Variants in RIT2 observed in about 807,000 individuals in gnomAD.
RIT2 encodes the protein Ras like without CAAX 2, also known as GTP-binding protein Rit2.
In RIT2, 24 loss-of-function variants were observed where a neutral mutation model predicts 23.7. The observed-to-expected ratio is 1.01, with a 90% CI of 0.73 to 1.43. RIT2 has a LOEUF of 1.43. Ranked by LOEUF, RIT2 falls within the 40% of genes most tolerant of loss-of-function variation. RIT2 has a pLI of 0.00. For missense variants in RIT2, 236 were observed against 266.9 expected (o/e 0.88, Z 0.81); for synonymous variants, 107 against 91.1 (o/e 1.17, Z -0.99).
chr18:42,853,320 C>T (rs940375080), intron 4 of RIT2, among the ~76,000 whole-genome samples: 5 of 152,180 alleles, frequency 3.3e-5, no homozygotes, highest in South Asian at 2.1e-4. Flanking sequence ...ATTTTAATAA[C>T]AAGCTACGCT....
At chr18:42,791,148 T>C (rs1450512832) in intron 4 of RIT2, among the ~76,000 whole-genome samples, 1 of 152,248 alleles carries the variant, frequency 6.6e-6, no homozygotes, top group Non-Finnish European at 1.5e-5. Context: ...CGCCAAGTTA[T>C]TAAATATGCA....
At chr18:43,098,573 T>C (rs1913608486) in intron 1 of RIT2, among the ~76,000 whole-genome samples, 3 of 152,070 alleles carry the variant, frequency 2.0e-5, no homozygotes, top group South Asian at 2.1e-4. Context: ...TAGGACAGAA[T>C]AGGGTTTTTT....
At chr18:42,937,011 TAAA>T (rs556983208) in intron 3 of RIT2, among the ~76,000 whole-genome samples, 4 of 134,232 alleles carry the variant, frequency 3.0e-5, no homozygotes, top group African/African-American at 2.7e-5. Context: ...AAACTCAACT[TAAA>T]AAAAAAAAAA....
At chr18:42,903,536 A>G (rs1908533339) in intron 4 of RIT2, among the ~76,000 whole-genome samples, 1 of 152,114 alleles carries the variant, frequency 6.6e-6, no homozygotes, top group Admixed American at 6.6e-5. Flanking sequence ...CACAATTTTT[A>G]TGCTATTTAG....
intron 4 of RIT2, among the ~76,000 whole-genome samples, chr18:42,813,773 G>A (rs935803869): frequency 1.3e-5 from 2 of 152,168 alleles, no homozygotes; most frequent in South Asian, 2.1e-4. Context: ...GGAGGCTTGC[G>A]TCATGATACT....
intron 4 of RIT2, among the ~76,000 whole-genome samples, chr18:42,817,375 G>A (rs113779211): frequency 0.035 from 5,282 of 152,168 alleles, 291 homozygotes; most frequent in African/African-American, 0.12. Context: ...AGTTTGATCT[G>A]TAATAATTAG....
chr18:42,929,301 C>T (rs561906300), intron 3 of RIT2, among the ~76,000 whole-genome samples: 102 of 152,046 alleles, frequency 6.7e-4, no homozygotes, highest in Non-Finnish European at 2.5e-4. Context: ...CCAGTGTCAA[C>T]CAAACTAGAT....
chr18:42,843,024 T>A lies in RIT2; in HGVS notation c.426+80548A>T, dbSNP rs573129862. On this transcript the variant is annotated intron_variant, in intron 4 of 4. Transcript: ENST00000326695. Reference sequence around the variant, plus strand: ...ATGTTTTTGTTAGAATCAACTAAAGTCAACATTTTTACCTAACATCTGCCT... The same window carrying A: ...ATGTTTTTGTTAGAATCAACTAAAGACAACATTTTTACCTAACATCTGCCT... Among the ~76,000 whole-genome samples, 8 of 152,322 alleles carry A rather than the reference T, an allele frequency of 5.3e-5. No individual in the cohort carries two copies. In the South Asian group the frequency reaches 1.7e-3, roughly 32 times the overall value.
chr18:42,751,401 A>C (rs967078543), intron 4 of RIT2, among the ~76,000 whole-genome samples: 5 of 151,870 alleles, frequency 3.3e-5, no homozygotes, highest in African/African-American at 1.2e-4. Flanking sequence ...ATATTTATAA[A>C]ATATTTCCTA....
chr18:42,761,791 C>G (rs945173213), intron 4 of RIT2, among the ~76,000 whole-genome samples: 11 of 152,174 alleles, frequency 7.2e-5, no homozygotes, highest in African/African-American at 2.7e-4. Context: ...GATTTTCATG[C>G]CTCAGCCTCT....
chr18:42,817,042 T>G (rs995541320), intron 4 of RIT2, among the ~76,000 whole-genome samples: 2 of 152,176 alleles, frequency 1.3e-5, no homozygotes, highest in Non-Finnish European at 1.5e-5. Context: ...AGAATCAGAC[T>G]TCAAAGAGCA....
At chr18:43,069,592 T>C (rs1190271314) in intron 1 of RIT2, among the ~76,000 whole-genome samples, 1 of 152,186 alleles carries the variant, frequency 6.6e-6, no homozygotes, top group Non-Finnish European at 1.5e-5. Flanking sequence ...CTATGCTTCA[T>C]ACAGAAACCA....
At chr18:43,070,382 A>C (rs1912870463) in intron 1 of RIT2, among the ~76,000 whole-genome samples, 1 of 152,164 alleles carries the variant, frequency 6.6e-6, no homozygotes, top group South Asian at 2.1e-4. Flanking sequence ...GTGATCCTCT[A>C]ATTTCTTCAT....
chr18:42,989,263 T>A (rs994960935), intron 2 of RIT2, among the ~76,000 whole-genome samples: 3 of 152,166 alleles, frequency 2.0e-5, no homozygotes, highest in African/African-American at 7.2e-5. Context: ...CATACAAATC[T>A]CCTGAGGATC....
intron 4 of RIT2, among the ~76,000 whole-genome samples, chr18:42,756,363 A>G (rs1913163583): frequency 6.6e-6 from 1 of 152,138 alleles, no homozygotes; most frequent in Admixed American, 6.6e-5. Context: ...TAATGGCTCT[A>G]GGGTAAAGGG....
At chr18:42,845,181 A>T (rs919529808) in intron 4 of RIT2, among the ~76,000 whole-genome samples, 4 of 152,098 alleles carry the variant, frequency 2.6e-5, no homozygotes, top group Non-Finnish European at 5.9e-5. Context: ...TGGAAAAAAT[A>T]AAATGGAAGA....
At chr18:42,822,989 C>T (rs1196882893) in intron 4 of RIT2, among the ~76,000 whole-genome samples, 8 of 152,020 alleles carry the variant, frequency 5.3e-5, no homozygotes, top group African/African-American at 7.2e-5. Flanking sequence ...GAGACTGTGC[C>T]CAAGAAAACT....
At chr18:42,845,238 A>G (rs1175233578) in intron 4 of RIT2, among the ~76,000 whole-genome samples, 1 of 152,110 alleles carries the variant, frequency 6.6e-6, no homozygotes, top group Admixed American at 6.6e-5. Flanking sequence ...AGGAAACTCA[A>G]TGGGGTAGTA....
chr18:42,864,043 G>GA (rs35294397), intron 4 of RIT2, among the ~76,000 whole-genome samples: 38,950 of 143,478 alleles, frequency 0.27, 5,472 homozygotes, highest in African/African-American at 0.38. Context: ...ATAAGAAAAT[G>GA]AAAAAAAAAA....
Sources: gnomAD v4.1 joint callset for allele counts (sites outside exome capture counted in the v4.1 genomes callset) on GRCh38, gnomAD v4.1.1 for gene constraint, MANE v1.5 for transcripts, NCBI Gene and HGNC (gene_info 2026-07-23, HGNC 2026-07-21) for gene names.